Variants in NRG2 observed in about 807,000 individuals in gnomAD.
The protein encoded by NRG2 is neuregulin 2.
In NRG2, 27 loss-of-function variants were observed where a neutral mutation model predicts 73.9. The ratio of observed to expected loss-of-function variants is 0.37; its 90% confidence interval spans 0.27 to 0.50. NRG2 has a LOEUF of 0.50. NRG2 is among the 20% of genes least tolerant of loss of function. The pLI, the probability that NRG2 is intolerant of heterozygous loss-of-function variation, is 0.96. For missense variants in NRG2, 1,126 were observed against 1,210.1 expected, an observed-to-expected ratio of 0.93 and a Z score of 1.03; for synonymous variants, 532 against 541.0, an observed-to-expected ratio of 0.98 and a Z score of 0.23.
chr5:139,939,486 G>C (rs1753226574), intron 1 of NRG2, among the ~76,000 whole-genome samples: 1 of 152,044 alleles, frequency 6.6e-6, no homozygotes, highest in African/African-American at 2.4e-5. Context: ...TGTTGCCCAG[G>C]CTGGTCTTGA....
chr5:139,978,241 T>C (rs1267360912), intron 1 of NRG2, among the ~76,000 whole-genome samples: 2 of 152,054 alleles, frequency 1.3e-5, no homozygotes, highest in African/African-American at 4.8e-5. Context: ...CTCCAACAAA[T>C]TTACAAGAAA....
intron 1 of NRG2, among the ~76,000 whole-genome samples, chr5:139,974,332 G>A (rs896202185): frequency 4.6e-5 from 7 of 152,096 alleles, no homozygotes; most frequent in Non-Finnish European, 1.5e-5. Flanking sequence ...TTCTCAAGGG[G>A]AGTACCTCTG....
chr5:139,861,492 A>T (rs1195368240), intron 5 of NRG2, among the ~76,000 whole-genome samples: 1 of 152,212 alleles, frequency 6.6e-6, no homozygotes, highest in Non-Finnish European at 1.5e-5. Context: ...CTTGAGGAAG[A>T]TCCTGGGGCT....
intron 1 of NRG2, among the ~76,000 whole-genome samples, chr5:139,944,258 T>C (rs1374325882): frequency 2.6e-5 from 4 of 152,208 alleles, no homozygotes; most frequent in African/African-American, 4.8e-5. Flanking sequence ...TTCTTTGTGA[T>C]AGGAACATTG....
chr5:139,938,647 A>G lies in NRG2; in HGVS notation c.701-51136T>C, dbSNP rs1036538162. On this transcript the variant is annotated intron_variant, in intron 1 of 9. Transcript: ENST00000361474. ...CCCAGAATTACAGGCTCAAGCCACC[A>G]TGTACAGCCTCAAGATATATTATAA... Among the ~76,000 whole-genome samples the G allele has an allele frequency of 5.9e-5, 9 of 152,190 alleles. No individual in the cohort carries two copies. The South Asian group carries it at 6.2e-4, about 11-fold the overall frequency.
chr5:139,927,267 G>C (rs187508064), intron 1 of NRG2, among the ~76,000 whole-genome samples: 1 of 152,256 alleles, frequency 6.6e-6, no homozygotes, highest in Non-Finnish European at 1.5e-5. Context: ...GGGAGTAGCA[G>C]CCTTTCCTCC....
At chr5:140,030,347 C>T (rs969413479) in intron 1 of NRG2, among the ~76,000 whole-genome samples, 1 of 152,218 alleles carries the variant, frequency 6.6e-6, no homozygotes, top group Admixed American at 6.5e-5. Context: ...GATCCCTTTA[C>T]AGAACTAATC....
chr5:140,013,515 A>G (rs888053306), intron 1 of NRG2, among the ~76,000 whole-genome samples: 1 of 152,258 alleles, frequency 6.6e-6, no homozygotes, highest in Non-Finnish European at 1.5e-5. Flanking sequence ...AAAATGGTTA[A>G]AATGGTAAAC....
At chr5:140,032,734 T>C (rs1305362228) in intron 1 of NRG2, among the ~76,000 whole-genome samples, 1 of 152,222 alleles carries the variant, frequency 6.6e-6, no homozygotes, top group Non-Finnish European at 1.5e-5. Context: ...TGATAAGTGT[T>C]ATATACATAA....
chr5:139,888,574 G>C (rs1291385848), intron 1 of NRG2, among the ~76,000 whole-genome samples: 1 of 152,166 alleles, frequency 6.6e-6, no homozygotes, highest in East Asian at 1.9e-4. Context: ...TAGCAACTCA[G>C]AGTGCTGACA....
chr5:139,859,216 TTC>T (rs1443833213), intron 5 of NRG2, among the ~76,000 whole-genome samples: 1 of 152,048 alleles, frequency 6.6e-6, no homozygotes, highest in Non-Finnish European at 1.5e-5. Context: ...ATATGTAAGA[TTC>T]TGAGCTGGGA....
At chr5:139,863,449 G>A (rs1268426281) in intron 5 of NRG2, among the ~76,000 whole-genome samples, 1 of 152,246 alleles carries the variant, frequency 6.6e-6, no homozygotes, top group African/African-American at 2.4e-5. Context: ...TGGGCTCCCG[G>A]GGCCCTGCTG....
chr5:140,000,061 A>G (rs1413466622), intron 1 of NRG2, among the ~76,000 whole-genome samples: 1 of 152,230 alleles, frequency 6.6e-6, no homozygotes, highest in Non-Finnish European at 1.5e-5. Context: ...TAATTATAAA[A>G]AAACAACATT....
chr5:140,011,553 G>C (rs1759369579), intron 1 of NRG2, among the ~76,000 whole-genome samples: 1 of 152,122 alleles, frequency 6.6e-6, no homozygotes, highest in South Asian at 2.1e-4. Flanking sequence ...CACCTGCTCT[G>C]AGAGAAGTCA....
chr5:139,917,387 G>A (rs1472536585), intron 1 of NRG2, among the ~76,000 whole-genome samples: 1 of 152,124 alleles, frequency 6.6e-6, no homozygotes, highest in Non-Finnish European at 1.5e-5. Flanking sequence ...GAGTAGCTGG[G>A]ACTACAGGCA....
Position 139,853,860 on chromosome 5 carries a change from A to G in NRG2, c.1293-833T>C, listed in dbSNP as rs1761637657. Among the ~76,000 whole-genome samples, 1 of 152,220 alleles carries G rather than the reference A, an allele frequency of 6.6e-6. No homozygotes were observed. On this transcript the variant is annotated intron_variant, in intron 6 of 9. Transcript: ENST00000361474. This position sits in a 1 kb window ranked among gnomAD's most constrained non-coding sequence, Gnocchi z 4.1. ...GGAAAAAGACCTAGTATTCAATAGC[A>G]TATGGGGTGACTATAGTCAATAATA...
Position 139,904,468 on chromosome 5 carries a change from G to T in NRG2, c.701-16957C>A. 1 of 895,700 alleles carries T rather than the reference G, an allele frequency of 1.1e-6. No homozygotes were observed. Among genetic ancestry groups the T allele is most frequent in the Non-Finnish European group, 1.7e-6 (1 of 588,800 alleles). 55.5% of individuals were successfully genotyped at this position (895,700 alleles called of 1,614,324 possible). ...CCGCGCTGCGCCCCCGCCGCCTGCAGCCTCAGTGCCCGAGCGCGGCGCCTT... is the reference window on the plus strand; with the variant it reads ...CCGCGCTGCGCCCCCGCCGCCTGCATCCTCAGTGCCCGAGCGCGGCGCCTT... On this transcript the variant is annotated intron_variant, in intron 1 of 9. Transcript: ENST00000361474. The surrounding 1 kb of genome is among the most constrained non-coding windows in gnomAD (Gnocchi z 6.0).
intron 1 of NRG2, among the ~76,000 whole-genome samples, chr5:139,970,388 T>C (rs1324953091): frequency 6.6e-6 from 1 of 151,984 alleles, no homozygotes; most frequent in Non-Finnish European, 1.5e-5. Context: ...CCTCACATGA[T>C]AAGGAGGTAG....
chr5:139,901,092 T>G (rs1449847375), intron 1 of NRG2, among the ~76,000 whole-genome samples: 2 of 152,326 alleles, frequency 1.3e-5, no homozygotes, highest in Admixed American at 1.3e-4. Flanking sequence ...CCAGACCTAC[T>G]GGCCATCCGA....
Sources: gnomAD v4.1 joint callset for allele counts (sites outside exome capture counted in the v4.1 genomes callset) on GRCh38, gnomAD v4.1.1 for gene constraint, Gnocchi (gnomAD v3.1) non-coding constraint, MANE v1.5 for transcripts, NCBI Gene and HGNC (gene_info 2026-07-23, HGNC 2026-07-21) for gene names.